TTC7B: variants seen among roughly 807,000 people sequenced by gnomAD.
The protein encoded by TTC7B is tetratricopeptide repeat protein 7B.
TTC7B carries 28 observed loss-of-function variants against 106.8 expected under a neutral mutation model. That is an observed-to-expected ratio of 0.26 (90% CI 0.19 to 0.36). The LOEUF (loss-of-function observed/expected upper bound fraction) is 0.36. Among genes scored for constraint, TTC7B ranks in the 10% least tolerant of loss-of-function variants. The probability of loss-of-function intolerance (pLI) is 1.00; values close to 1 mark genes in which losing one functional copy is unlikely to be tolerated. For missense variants in TTC7B, 862 were observed against 1,076.4 expected (o/e 0.80, Z 2.79); for synonymous variants, 405 against 430.6 (o/e 0.94, Z 0.74).
chr14:90,751,900 G>A (rs1890149251), intron 3 of TTC7B, among the ~76,000 whole-genome samples: 1 of 152,184 alleles, frequency 6.6e-6, no homozygotes, highest in Non-Finnish European at 1.5e-5. Context: ...CAAGGTCCAT[G>A]CAGGAGTCAG....
At chr14:90,725,691 C>A (rs1024725206) in intron 5 of TTC7B, among the ~76,000 whole-genome samples, 1 of 152,160 alleles carries the variant, frequency 6.6e-6, no homozygotes, top group Admixed American at 6.5e-5. Flanking sequence ...ATGCAGCACT[C>A]GGTGATGTAA....
intron 5 of TTC7B, among the ~76,000 whole-genome samples, chr14:90,727,141 C>T (rs1049457717): frequency 9.9e-5 from 15 of 152,090 alleles, no homozygotes; most frequent in South Asian, 6.2e-4. Flanking sequence ...TGCTTTGTGA[C>T]GCGCTGTAGA....
intron 3 of TTC7B, among the ~76,000 whole-genome samples, chr14:90,756,389 T>TTTTTTTG (rs1555396511): frequency 1.3e-5 from 2 of 149,314 alleles, no homozygotes; most frequent in Admixed American, 6.6e-5. Flanking sequence ...TTTTTGTTTT[T>TTTTTTTG]TTTTTTTGTT....
intron 13 of TTC7B, chr14:90,647,319 C>G: frequency 5.9e-6 from 2 of 341,474 alleles, no homozygotes; most frequent in South Asian, 3.3e-5. Flanking sequence ...ATCCATAGGC[C>G]CTGAGGTCTG....
chr14:90,794,800 A>T (rs1381451392), intron 1 of TTC7B, among the ~76,000 whole-genome samples: 1 of 152,130 alleles, frequency 6.6e-6, no homozygotes, highest in Non-Finnish European at 1.5e-5. Flanking sequence ...ATTCCCTGCC[A>T]CTCACTCTCC....
chr14:90,694,965 T>C lies in TTC7B; in HGVS notation c.777+535A>G, dbSNP rs886160856. 2.9e-5 allele frequency among the ~76,000 whole-genome samples: 4 copies of C among 137,726 alleles called. No homozygotes were observed. The Admixed American group carries it at 3.1e-4, about 11-fold the overall frequency. 90.4% of individuals were successfully genotyped at this position (137,726 alleles called of 152,430 possible). ...CACATATATTTATTATAAATATATG[T>C]ATAATATATGTCACATATATTTATA... On this transcript the variant is annotated intron_variant, in intron 6 of 19. Coordinates refer to ENST00000328459, the MANE Select transcript of TTC7B (RefSeq NM_001010854.2).
intron 5 of TTC7B, among the ~76,000 whole-genome samples, chr14:90,715,741 A>G (rs1888631054): frequency 6.6e-6 from 1 of 152,174 alleles, no homozygotes; most frequent in Non-Finnish European, 1.5e-5. Flanking sequence ...CGTAAAGTGT[A>G]TCTGGCCTTG....
rs1420890499 is a variant in TTC7B at position 90,532,300 on chromosome 14, G to A, written c.*9068C>T. 6.6e-6 allele frequency: 1 copy of A among 152,184 alleles called. No homozygotes were observed. The highest frequency in any genetic ancestry group is 2.4e-5 in the African/African-American group (1 of 41,452). 9.4% of individuals were successfully genotyped at this position (152,184 alleles called of 1,614,324 possible). ...ACAACATATTAAAGAAAGAAACTCTGGAGATAATTTAAAGTTGATCCCCTA... is the reference window on the plus strand; with the variant it reads ...ACAACATATTAAAGAAAGAAACTCTAGAGATAATTTAAAGTTGATCCCCTA... On this transcript the variant is annotated 3_prime_UTR_variant, in exon 20 of 20. Coordinates refer to ENST00000328459, the MANE Select transcript of TTC7B (RefSeq NM_001010854.2).
chr14:90,755,820 G>T (rs924238267), intron 3 of TTC7B, among the ~76,000 whole-genome samples: 2 of 152,230 alleles, frequency 1.3e-5, no homozygotes, highest in Non-Finnish European at 2.9e-5. Context: ...AAGCGAATGA[G>T]CAAAATAGCA....
At position 90,537,380 on chromosome 14, in the gene TTC7B, G is replaced by GT. The variant is rs1465269494; in HGVS notation, c.*3987_*3988insA. The GT allele has an allele frequency of 6.7e-6, 1 of 149,816 alleles. No individual in the cohort carries two copies. Among genetic ancestry groups the GT allele is most frequent in the Admixed American group, 6.6e-5 (1 of 15,064 alleles). 9.3% of individuals were successfully genotyped at this position (149,816 alleles called of 1,614,324 possible). A position where few individuals can be genotyped will look rare whatever the true frequency, so the allele number is the denominator to read the frequency against. On this transcript the variant is annotated 3_prime_UTR_variant, in exon 20 of 20. Coordinates refer to ENST00000328459, the MANE Select transcript of TTC7B (RefSeq NM_001010854.2). ...TTTTTTTTTTTGTAGAGATGGGGGG[G>GT]GGGTCTCACCATGTTGCCCAGGCTG...
At chr14:90,628,068 C>A (rs750874623) in intron 15 of TTC7B, among the ~76,000 whole-genome samples, 1 of 152,180 alleles carries the variant, frequency 6.6e-6, no homozygotes, top group Non-Finnish European at 1.5e-5. Context: ...GCTACCTGAG[C>A]GCATGGTGTT....
chr14:90,571,682 T>A (rs1891041114), intron 19 of TTC7B, among the ~76,000 whole-genome samples: 1 of 152,226 alleles, frequency 6.6e-6, no homozygotes, highest in Non-Finnish European at 1.5e-5. Flanking sequence ...ATGAAAGAGA[T>A]CCACGTCTAA....
At chr14:90,601,985 G>A (rs1422916304) in intron 17 of TTC7B, 1 of 370,814 alleles carries the variant, frequency 2.7e-6, no homozygotes, top group African/African-American at 2.1e-5. Context: ...CCTAATGTGT[G>A]ATGACAGCAC....
Position 90,535,547 on chromosome 14 carries a change from AAC to A in TTC7B, c.*5819_*5820del, listed in dbSNP as rs528281681. ...CCTTCCTCACGCCTGCCCTGCTGGAAACACAAGGTGCTCAGCGAGGCCGCCTT... is the reference window on the plus strand; with the variant it reads ...CCTTCCTCACGCCTGCCCTGCTGGAAACAAGGTGCTCAGCGAGGCCGCCTT... On this transcript the variant is annotated 3_prime_UTR_variant, in exon 20 of 20. Transcript: ENST00000328459. 323 of 152,746 alleles carry A rather than the reference AAC, an allele frequency of 2.1e-3. 2 individuals carry two copies. Among genetic ancestry groups the A allele is most frequent in the South Asian group, 5.6e-3 (27 of 4,840 alleles). The allele number at this position is 152,746 out of a possible 1,614,324, so 9.5% of individuals were successfully genotyped here. A position where few individuals can be genotyped will look rare whatever the true frequency, so the allele number is the denominator to read the frequency against.
chr14:90,709,456 C>T (rs1234893260), intron 5 of TTC7B, among the ~76,000 whole-genome samples: 4 of 137,676 alleles, frequency 2.9e-5, no homozygotes, highest in East Asian at 2.2e-4. Context: ...AAACACCACA[C>T]GTTCTCACTC....
intron 9 of TTC7B, among the ~76,000 whole-genome samples, chr14:90,675,560 G>A (rs1886799109): frequency 6.6e-6 from 1 of 152,178 alleles, no homozygotes; most frequent in African/African-American, 2.4e-5. Flanking sequence ...CCACTGCCCT[G>A]TAGAGTCACC....
intron 3 of TTC7B, among the ~76,000 whole-genome samples, chr14:90,765,146 C>T (rs2140020539): frequency 6.6e-6 from 1 of 152,268 alleles, no homozygotes; most frequent in Middle Eastern, 3.4e-3. Flanking sequence ...AGAAATGACA[C>T]ATGCAGCAAC....
intron 19 of TTC7B, among the ~76,000 whole-genome samples, chr14:90,562,034 C>T (rs1159760615): frequency 6.6e-6 from 1 of 152,206 alleles, no homozygotes; most frequent in East Asian, 1.9e-4. Flanking sequence ...ATTTATATCT[C>T]AGGCAGTCTT....
At chr14:90,700,671 G>A (rs550886679) in intron 5 of TTC7B, among the ~76,000 whole-genome samples, 20 of 148,886 alleles carry the variant, frequency 1.3e-4, no homozygotes, top group Non-Finnish European at 2.4e-4. Context: ...CATCATATAC[G>A]TATACCCTTA....
Sources: gnomAD v4.1 joint callset for allele counts (sites outside exome capture counted in the v4.1 genomes callset) on GRCh38, gnomAD v4.1.1 for gene constraint, MANE v1.5 for transcripts, NCBI Gene and HGNC (gene_info 2026-07-23, HGNC 2026-07-21) for gene names.